NRXN3: variants seen among roughly 807,000 people sequenced by gnomAD.
NRXN3 encodes neurexin III.
In NRXN3, 32 loss-of-function variants were observed where a neutral mutation model predicts 137.6. That is an observed-to-expected ratio of 0.23 (90% confidence interval 0.18 to 0.31). NRXN3 has a LOEUF of 0.31. Ranked by LOEUF, NRXN3 falls within the 10% of genes least tolerant of loss-of-function variation. The pLI, the probability that NRXN3 is intolerant of heterozygous loss-of-function variation, is 1.00. For synonymous variants in NRXN3, 798 were observed against 784.5 expected (o/e 1.02, Z -0.29); for missense variants, 1,574 against 2,062.5 (o/e 0.76, Z 4.59).
intron 4 of NRXN3, among the ~76,000 whole-genome samples, chr14:78,465,766 C>T (rs1344709562): frequency 6.6e-6 from 1 of 151,928 alleles, no homozygotes; most frequent in Admixed American, 6.6e-5. Context: ...ATCTCTTGAC[C>T]TCGTGATCTG....
chr14:79,179,578 A>G (rs539987272), intron 15 of NRXN3, among the ~76,000 whole-genome samples: 2 of 152,290 alleles, frequency 1.3e-5, no homozygotes, highest in African/African-American at 4.8e-5. Context: ...AAGCCCTCCC[A>G]GATGATTCTG....
chr14:78,455,426 G>A (rs865858918), intron 4 of NRXN3, among the ~76,000 whole-genome samples: 8 of 152,196 alleles, frequency 5.3e-5, no homozygotes, highest in South Asian at 2.1e-4. Context: ...CTGTGCAGGA[G>A]GAACCTAACC....
chr14:79,031,460 C>G (rs2099608101), intron 15 of NRXN3, among the ~76,000 whole-genome samples: 1 of 152,064 alleles, frequency 6.6e-6, no homozygotes. Flanking sequence ...GAATAAGAAA[C>G]TATAAGAGTA....
At position 78,342,182 on chromosome 14, in the gene NRXN3, C is replaced by G. The variant is rs551188260; in HGVS notation, c.757+44322C>G. Among the ~76,000 whole-genome samples the G allele has an allele frequency of 3.3e-5, 5 of 152,162 alleles. No homozygotes were observed. In the South Asian group the frequency reaches 1.0e-3, roughly 32 times the overall value. On this transcript the variant is annotated intron_variant, in intron 4 of 20. Coordinates refer to ENST00000335750, the MANE Select transcript of NRXN3 (RefSeq NM_001330195.2). ...AGGGAGAGAGATGTCACTGAGCTCT[C>G]AATCAATTCCCACAATAATGATTTG... is the stretch of plus-strand genomic sequence containing the variant.
At chr14:79,289,078 T>C (rs1348762797) in intron 15 of NRXN3, among the ~76,000 whole-genome samples, 1 of 152,148 alleles carries the variant, frequency 6.6e-6, no homozygotes, top group Non-Finnish European at 1.5e-5. Context: ...GAGAGCTCAA[T>C]GTTCCAGGTA....
chr14:78,258,600 A>C (rs983702541), intron 2 of NRXN3, among the ~76,000 whole-genome samples: 2 of 152,132 alleles, frequency 1.3e-5, no homozygotes. Context: ...GGGGAAAGGA[A>C]TCCATAAGAT....
intron 15 of NRXN3, among the ~76,000 whole-genome samples, chr14:78,991,679 T>A (rs943114382): frequency 6.6e-6 from 1 of 152,238 alleles, no homozygotes; most frequent in Non-Finnish European, 1.5e-5. Flanking sequence ...GTTAATCATA[T>A]GTAGGCATGA....
chr14:79,240,633 C>T (rs1051391733), intron 15 of NRXN3, among the ~76,000 whole-genome samples: 2 of 152,136 alleles, frequency 1.3e-5, no homozygotes, highest in Non-Finnish European at 2.9e-5. Context: ...TTTCTTCTGA[C>T]AACTTTGTGG....
At chr14:78,224,748 G>GTTTTTT (rs1567008554) in intron 1 of NRXN3, among the ~76,000 whole-genome samples, 4 of 78,770 alleles carry the variant, frequency 5.1e-5, no homozygotes, top group Non-Finnish European at 7.4e-5. Flanking sequence ...GTGTGCATGT[G>GTTTTTT]TCTTTTTTTT....
Position 79,863,599 on chromosome 14 carries a change from G to T in NRXN3, c.*1635G>T, listed in dbSNP as rs2099416294. On this transcript the variant is annotated 3_prime_UTR_variant, in exon 21 of 21. Transcript: ENST00000335750. ...TTCCTTAGCCACCTATGTACATACTGCTTTAAGAAATGTTTTTTTCCTGTT... is the reference window on the plus strand; with the variant it reads ...TTCCTTAGCCACCTATGTACATACTTCTTTAAGAAATGTTTTTTTCCTGTT... The T allele has an allele frequency of 6.6e-6, 1 of 151,414 alleles. No homozygotes were observed. Among genetic ancestry groups the T allele is most frequent in the Non-Finnish European group, 1.5e-5 (1 of 67,786 alleles). 9.4% of individuals were successfully genotyped at this position (151,414 alleles called of 1,614,324 possible). A position where few individuals can be genotyped will look rare whatever the true frequency, so the allele number is the denominator to read the frequency against.
chr14:79,230,048 G>T (rs1202037920), intron 15 of NRXN3, among the ~76,000 whole-genome samples: 1 of 152,076 alleles, frequency 6.6e-6, no homozygotes, highest in Non-Finnish European at 1.5e-5. Context: ...GCCATAATGA[G>T]GCTCAGAGTA....
intron 15 of NRXN3, among the ~76,000 whole-genome samples, chr14:79,447,302 AGAG>A (rs2096077302): frequency 1.3e-5 from 2 of 152,222 alleles, no homozygotes; most frequent in African/African-American, 4.8e-5. Context: ...CTGAAAAGAC[AGAG>A]TATATACCCC....
At chr14:79,285,963 A>T (rs2082179441) in intron 15 of NRXN3, among the ~76,000 whole-genome samples, 1 of 151,840 alleles carries the variant, frequency 6.6e-6, no homozygotes, top group Admixed American at 6.6e-5. Flanking sequence ...GAAAAATAAA[A>T]CTTCAGTGAC....
chr14:78,314,971 CTT>C (rs1491480269), intron 4 of NRXN3, among the ~76,000 whole-genome samples: 4 of 89,592 alleles, frequency 4.5e-5, no homozygotes, highest in Admixed American at 1.1e-4. Flanking sequence ...TCCTTCCTTC[CTT>C]CCTTCCTTCC....
intron 16 of NRXN3, among the ~76,000 whole-genome samples, chr14:79,605,796 G>A (rs2543575): frequency 0.35 from 53,272 of 152,042 alleles, 12,210 homozygotes; most frequent in African/African-American, 0.64. Context: ...GGCCGATACT[G>A]CAGTTTTGAT....
chr14:79,180,050 C>T (rs2153124568), intron 15 of NRXN3, among the ~76,000 whole-genome samples: 1 of 152,256 alleles, frequency 6.6e-6, no homozygotes, highest in Admixed American at 6.5e-5. Context: ...GTATAGGTTG[C>T]TGTAATAGCC....
chr14:79,031,650 A>C (rs890029340), intron 15 of NRXN3, among the ~76,000 whole-genome samples: 1 of 152,122 alleles, frequency 6.6e-6, no homozygotes, highest in Non-Finnish European at 1.5e-5. Flanking sequence ...GTGTAGCCAA[A>C]TTAATCCTTC....
intron 4 of NRXN3, among the ~76,000 whole-genome samples, chr14:78,341,311 G>T (rs149585305): frequency 0.011 from 1,750 of 152,220 alleles, 34 homozygotes; most frequent in African/African-American, 0.04. Context: ...TTAGAAGTTT[G>T]GGGTAGGGCC....
chr14:78,546,049 T>C (rs898503378), intron 4 of NRXN3, among the ~76,000 whole-genome samples: 2 of 152,216 alleles, frequency 1.3e-5, no homozygotes, highest in Non-Finnish European at 2.9e-5. Context: ...TATCATTGTG[T>C]ATTTGCACTG....
Sources: gnomAD v4.1 joint callset for allele counts (sites outside exome capture counted in the v4.1 genomes callset) on GRCh38, gnomAD v4.1.1 for gene constraint, MANE v1.5 for transcripts, NCBI Gene and HGNC (gene_info 2026-07-23, HGNC 2026-07-21) for gene names.